The following DIAPH3 variants were observed in gnomAD, a reference collection of about 807,000 sequenced individuals.
The protein encoded by DIAPH3 is protein diaphanous homolog 3.
A neutral mutation model predicts 144.3 loss-of-function variants in DIAPH3; 117 were observed. That is an observed-to-expected ratio of 0.81 (90% CI 0.70 to 0.95). DIAPH3 has a LOEUF of 0.95. Ranked by LOEUF, DIAPH3 falls within the 40% of genes least tolerant of loss-of-function variation. The pLI is 0.00. For synonymous variants in DIAPH3, 519 were observed against 488.9 expected, an observed-to-expected ratio of 1.06 and a Z score of -0.81; for missense variants, 1,421 against 1,412.7, an observed-to-expected ratio of 1.01 and a Z score of -0.09.
chr13:60,051,203 G>A (rs1348693634), intron 4 of DIAPH3, among the ~76,000 whole-genome samples: 1 of 152,090 alleles, frequency 6.6e-6, no homozygotes, highest in African/African-American at 2.4e-5. Flanking sequence ...AGGGAATCCT[G>A]GGGTATAATT....
chr13:59,878,740 C>A (rs535972167), intron 21 of DIAPH3, among the ~76,000 whole-genome samples: 9 of 152,112 alleles, frequency 5.9e-5, no homozygotes, highest in Non-Finnish European at 1.0e-4. Flanking sequence ...CAATAATATC[C>A]GAGTTGCATA....
At position 60,042,814 on chromosome 13, in the gene DIAPH3, G is replaced by C. The variant is rs1180664917; in HGVS notation, c.502C>G (p.Leu168Val). ...YINTASKTGSLKRSRQISPQE... is the reference protein window; with the variant it reads ...YINTASKTGSVKRSRQISPQE... Reference sequence around the variant, plus strand: ...GGTGAGATCTGTCGGCTTCTCTTAAGACTTCCCTATAAAATAAGTCAAAAA... The same window carrying C: ...GGTGAGATCTGTCGGCTTCTCTTAACACTTCCCTATAAAATAAGTCAAAAA... Residue 168 changes from leucine to valine, a missense_variant, in exon 5 of 28, where the codon CTT (leucine) becomes GTT (valine). By Grantham distance (32) the Leu-to-Val change is conservative. Transcript: ENST00000400324. 6.2e-7 allele frequency: 1 copy of C among 1,613,230 alleles called. No homozygotes were observed. Among genetic ancestry groups the C allele is most frequent in the East Asian group, 2.2e-5 (1 of 44,790 alleles).
chr13:60,019,949 T>C (rs2053899830), intron 5 of DIAPH3, among the ~76,000 whole-genome samples: 1 of 152,176 alleles, frequency 6.6e-6, no homozygotes, highest in Non-Finnish European at 1.5e-5. Flanking sequence ...TCTTCCCAGA[T>C]GTGCTCGTAG....
rs202029127 is a variant in DIAPH3 at position 59,948,840 on chromosome 13, AGAAGGAAGGAAGGAAGGAAGGAAGGAAG to A, written c.2074+21076_2074+21103del. 1.5e-3 allele frequency among the ~76,000 whole-genome samples: 197 copies of A among 133,570 alleles called. 1 individual carries two copies. Among genetic ancestry groups the A allele is most frequent in the East Asian group, 6.3e-3 (29 of 4,586 alleles). 87.6% of individuals were successfully genotyped at this position (133,570 alleles called of 152,430 possible). ...TCTGCCTTGCTTGACATAAAAAGAA[AGAAGGAAGGAAGGAAGGAAGGAAGGAAG>A]GAAGGAAGGAAGGAAGGAAGGAAGG... On this transcript the variant is annotated intron_variant, in intron 17 of 27. Transcript: ENST00000400324.
chr13:60,104,180 T>C (rs867482379), intron 3 of DIAPH3, among the ~76,000 whole-genome samples: 3 of 152,208 alleles, frequency 2.0e-5, no homozygotes, highest in Admixed American at 1.3e-4. Context: ...TATAAATACA[T>C]TGAAGCTATA....
At chr13:60,027,938 T>A (rs1259611051) in intron 5 of DIAPH3, among the ~76,000 whole-genome samples, 1 of 152,186 alleles carries the variant, frequency 6.6e-6, no homozygotes, top group Non-Finnish European at 1.5e-5. Flanking sequence ...TTGTCACTAC[T>A]ACCCAATGCT....
intron 25 of DIAPH3, among the ~76,000 whole-genome samples, chr13:59,809,593 A>C (rs1005194966): frequency 1.3e-5 from 2 of 152,074 alleles, no homozygotes; most frequent in African/African-American, 2.4e-5. Context: ...CCAGAAGCAT[A>C]TTTTAAAAAT....
chr13:59,700,635 G>A (rs1267673833), intron 27 of DIAPH3, among the ~76,000 whole-genome samples: 1 of 152,168 alleles, frequency 6.6e-6, no homozygotes, highest in Non-Finnish European at 1.5e-5. Context: ...TTTCCATGGT[G>A]CAAAGACCAT....
intron 17 of DIAPH3, among the ~76,000 whole-genome samples, chr13:59,942,627 T>C (rs781494048): frequency 6.6e-6 from 1 of 152,184 alleles, no homozygotes; most frequent in Non-Finnish European, 1.5e-5. Flanking sequence ...AGGAAACTAT[T>C]GAAATGATAG....
intron 26 of DIAPH3, 23 bp downstream of exon 26, chr13:59,774,705 C>A (rs187951023): frequency 3.7e-6 from 6 of 1,605,732 alleles, no homozygotes; most frequent in Non-Finnish European, 5.1e-6. Context: ...TAGAAAGTAA[C>A]ATGAAACAAG....
At chr13:59,901,840 T>A (rs540412758) in intron 20 of DIAPH3, among the ~76,000 whole-genome samples, 1 of 152,284 alleles carries the variant, frequency 6.6e-6, no homozygotes, top group African/African-American at 2.4e-5. Flanking sequence ...AAACATACAC[T>A]ACTGGAATAG....
rs972547532 is a variant in DIAPH3 at position 59,848,473 on chromosome 13, C to A, written c.2738-9025G>T. Among the ~76,000 whole-genome samples, 115 of 150,930 alleles carry A rather than the reference C, an allele frequency of 7.6e-4. 2 individuals carry two copies. The East Asian group carries it at 0.02, about 26-fold the overall frequency. On this transcript the variant is annotated intron_variant, in intron 22 of 27. Transcript: ENST00000400324. ...CAGTGCTATCCCTCCCCGCTCCCCC[C>A]ACCCCACCACAGTCCCCAGAGTGTG...
At chr13:59,784,575 C>T (rs1045156613) in intron 25 of DIAPH3, among the ~76,000 whole-genome samples, 1 of 151,978 alleles carries the variant, frequency 6.6e-6, no homozygotes, top group African/African-American at 2.4e-5. Flanking sequence ...TGGGGTTTCA[C>T]CACGTTGCCC....
chr13:60,039,021 T>C (rs1394610408), intron 5 of DIAPH3, among the ~76,000 whole-genome samples: 1 of 151,920 alleles, frequency 6.6e-6, no homozygotes, highest in East Asian at 1.9e-4. Flanking sequence ...TTCCCTGGTG[T>C]TCAGAACTAG....
At position 59,810,869 on chromosome 13, in the gene DIAPH3, C is replaced by T. The variant is rs541616926; in HGVS notation, c.3082G>A (p.Val1028Ile). The T allele has an allele frequency of 6.0e-5, 96 of 1,612,972 alleles. 1 individual carries two copies. The highest frequency in any genetic ancestry group is 5.8e-5 in the Non-Finnish European group (69 of 1,179,784). The stretch of plus-strand genomic sequence containing the variant: ...TCTGCTAATTCTTTAGCTATTCTGA[C>T]ACGTTTTTCTTTTTCCTCTGCTTCT... Reference protein sequence around the residue: ...KREAEEKEKRVRIAKELAERE... With the variant: ...KREAEEKEKRIRIAKELAERE... Residue 1028 changes from valine (V) to isoleucine (I), a missense_variant, in exon 25 of 28, where the codon GTC becomes ATC. Transcript: ENST00000400324.
At chr13:59,675,873 A>G (rs1277528272) in intron 27 of DIAPH3, among the ~76,000 whole-genome samples, 1 of 152,268 alleles carries the variant, frequency 6.6e-6, no homozygotes, top group East Asian at 1.9e-4. Flanking sequence ...AAGGATGAAG[A>G]GGCTGGGGAG....
At chr13:60,054,693 G>C (rs772705734) in intron 4 of DIAPH3, among the ~76,000 whole-genome samples, 5 of 151,798 alleles carry the variant, frequency 3.3e-5, no homozygotes, top group Non-Finnish European at 7.4e-5. Flanking sequence ...ACAAAACAAG[G>C]GTAAGCACAG....
intron 25 of DIAPH3, among the ~76,000 whole-genome samples, chr13:59,805,830 T>TA (rs1243160367): frequency 6.6e-6 from 1 of 152,068 alleles, no homozygotes; most frequent in Non-Finnish European, 1.5e-5. Flanking sequence ...CCACTATTTT[T>TA]ATCTTTATTT....
At chr13:59,773,191 A>T (rs1159194408) in intron 27 of DIAPH3, among the ~76,000 whole-genome samples, 2 of 152,204 alleles carry the variant, frequency 1.3e-5, no homozygotes, top group African/African-American at 4.8e-5. Flanking sequence ...AGACTGCAGT[A>T]TATTTTTACC....
Sources: allele counts gnomAD v4.1 joint callset (sites outside exome capture counted in the v4.1 genomes callset), GRCh38; gene constraint gnomAD v4.1.1; transcripts MANE v1.5; gene names NCBI Gene and HGNC (gene_info 2026-07-23, HGNC 2026-07-21).